Variants in KCNMA1 observed in about 807,000 individuals in gnomAD.
The protein encoded by KCNMA1 is potassium calcium-activated channel subfamily M alpha 1, also known as Calcium-activated potassium channel subunit alpha-1.
In KCNMA1, 29 loss-of-function variants were observed where a neutral mutation model predicts 140.0. The observed-to-expected ratio is 0.21, with a 90% CI of 0.15 to 0.28. The LOEUF (loss-of-function observed/expected upper bound fraction) is 0.28. Ranked by LOEUF, KCNMA1 falls within the 10% of genes least tolerant of loss-of-function variation. The pLI is 1.00. For missense variants in KCNMA1, 880 were observed against 1,602.2 expected (o/e 0.55, Z 7.70); for synonymous variants, 612 against 611.9 (o/e 1.00, Z 0.00).
At chr10:77,226,654 A>G (rs1378023860) in intron 3 of KCNMA1, among the ~76,000 whole-genome samples, 2 of 152,172 alleles carry the variant, frequency 1.3e-5, no homozygotes, top group African/African-American at 4.8e-5. Flanking sequence ...CCAGGGAGAA[A>G]AGAACTGACA....
chr10:77,183,986 G>A (rs2098824235), intron 4 of KCNMA1, among the ~76,000 whole-genome samples: 1 of 151,616 alleles, frequency 6.6e-6, no homozygotes, highest in Non-Finnish European at 1.5e-5. Context: ...AGCTTCATAG[G>A]GAAGATTGGG....
chr10:77,145,407 T>C (rs911899050), intron 5 of KCNMA1, among the ~76,000 whole-genome samples: 32 of 152,246 alleles, frequency 2.1e-4, no homozygotes, highest in African/African-American at 7.7e-4. Flanking sequence ...CCCATTTCTC[T>C]GGACATGTGT....
At chr10:77,413,464 T>C (rs2096666469) in intron 1 of KCNMA1, among the ~76,000 whole-genome samples, 1 of 152,126 alleles carries the variant, frequency 6.6e-6, no homozygotes, top group Non-Finnish European at 1.5e-5. Flanking sequence ...TAATCCTGCA[T>C]ATTAGGGTAT....
chr10:77,199,123 T>G (rs2041666629), intron 3 of KCNMA1, among the ~76,000 whole-genome samples: 1 of 152,202 alleles, frequency 6.6e-6, no homozygotes, highest in Non-Finnish European at 1.5e-5. Flanking sequence ...TGCAGCTGTT[T>G]CCACTTGATC....
At chr10:76,958,320 TAA>T (rs1028313972) in intron 20 of KCNMA1, among the ~76,000 whole-genome samples, 3 of 152,220 alleles carry the variant, frequency 2.0e-5, no homozygotes, top group African/African-American at 7.2e-5. Context: ...TGACATTACC[TAA>T]GTCTTCCACT....
Position 76,887,164 on chromosome 10 carries a change from G to C in KCNMA1, c.*102C>G. ...ATGCAAATATGTGTAAAAAAAAAGG[G>C]GGGGACTACAGGGGAAAACAGGGAA... On this transcript the variant is annotated 3_prime_UTR_variant, in exon 28 of 28. Transcript: ENST00000286628. The C allele has an allele frequency of 6.2e-6, 10 of 1,611,228 alleles. No individual in the cohort carries two copies. Among genetic ancestry groups the C allele is most frequent in the South Asian group, 1.1e-5 (1 of 90,198 alleles).
intron 2 of KCNMA1, among the ~76,000 whole-genome samples, chr10:77,294,048 G>C (rs1334416296): frequency 6.6e-6 from 1 of 152,224 alleles, no homozygotes; most frequent in African/African-American, 2.4e-5. Flanking sequence ...AGAATAGCCC[G>C]CCACTGCGGT....
chr10:76,924,666 A>C (rs1034408789), intron 23 of KCNMA1, among the ~76,000 whole-genome samples: 1 of 152,192 alleles, frequency 6.6e-6, no homozygotes, highest in African/African-American at 2.4e-5. Context: ...AAGGAGACTG[A>C]AGTTCTGAGA....
intron 3 of KCNMA1, among the ~76,000 whole-genome samples, chr10:77,217,193 T>C (rs1309372649): frequency 1.3e-5 from 2 of 151,634 alleles, no homozygotes; most frequent in Non-Finnish European, 2.9e-5. Flanking sequence ...TGGTCCCACC[T>C]ACTCGGGAGG....
chr10:77,519,588 C>T (rs184024904), intron 1 of KCNMA1, among the ~76,000 whole-genome samples: 57 of 152,238 alleles, frequency 3.7e-4, no homozygotes, highest in African/African-American at 1.0e-3. Context: ...ATTAATATCA[C>T]GGCCAAGGTC....
chr10:76,955,940 G>A (rs1220077566), intron 20 of KCNMA1, among the ~76,000 whole-genome samples: 1 of 152,122 alleles, frequency 6.6e-6, no homozygotes. Context: ...AAATTCTCTT[G>A]CCCTGTTTAC....
intron 1 of KCNMA1, among the ~76,000 whole-genome samples, chr10:77,542,504 T>C (rs955910465): frequency 6.6e-6 from 1 of 152,230 alleles, no homozygotes; most frequent in Admixed American, 6.5e-5. Flanking sequence ...TTGGAAGTTT[T>C]ATAAAAATAT....
intron 14 of KCNMA1, among the ~76,000 whole-genome samples, chr10:77,054,724 C>A (rs1385385693): frequency 2.0e-5 from 3 of 152,110 alleles, no homozygotes; most frequent in African/African-American, 7.2e-5. Context: ...TGATAAAAAC[C>A]ACAAAAATTA....
chr10:77,138,348 T>A (rs1394032240), intron 5 of KCNMA1, among the ~76,000 whole-genome samples: 1 of 152,236 alleles, frequency 6.6e-6, no homozygotes, highest in Non-Finnish European at 1.5e-5. Flanking sequence ...AGTCTTGACC[T>A]CATGGGCTCA....
intron 23 of KCNMA1, among the ~76,000 whole-genome samples, chr10:76,926,755 G>A (rs367829960): frequency 3.3e-5 from 5 of 152,132 alleles, no homozygotes; most frequent in African/African-American, 1.2e-4. Flanking sequence ...TAAGGAAGTG[G>A]AACACAGGAG....
downstream of KCNMA1, chr10:76,884,593 T>TG (rs2036011841): frequency 5.8e-6 from 1 of 172,290 alleles, no homozygotes; most frequent in African/African-American, 2.4e-5. Flanking sequence ...GGTACCAGGG[T>TG]GGGCAGGGAG....
At chr10:76,895,990 T>C (rs2152000626) in intron 25 of KCNMA1, among the ~76,000 whole-genome samples, 1 of 152,312 alleles carries the variant, frequency 6.6e-6, no homozygotes, top group Non-Finnish European at 1.5e-5. Flanking sequence ...AAAACTAGAA[T>C]TATTAAGGAA....
intron 3 of KCNMA1, among the ~76,000 whole-genome samples, chr10:77,234,737 C>T (rs1257669609): frequency 6.6e-6 from 1 of 152,210 alleles, no homozygotes; most frequent in Admixed American, 6.5e-5. Flanking sequence ...ACCATACTTA[C>T]AGTTAAGGGA....
At chr10:76,993,776 ATTACAG>A in intron 19 of KCNMA1, among the ~76,000 whole-genome samples, 1 of 152,338 alleles carries the variant, frequency 6.6e-6, no homozygotes, top group Non-Finnish European at 1.5e-5. Flanking sequence ...TTTCTATCAT[ATTACAG>A]ACTAAGAACA....
Sources: allele counts gnomAD v4.1 joint callset (sites outside exome capture counted in the v4.1 genomes callset), GRCh38; gene constraint gnomAD v4.1.1; transcripts MANE v1.5; gene names NCBI Gene and HGNC (gene_info 2026-07-23, HGNC 2026-07-21).